The following UGT3A1 variants were observed in gnomAD, a reference collection of about 807,000 sequenced individuals.
The protein encoded by UGT3A1 is UDP glycosyltransferase family 3 member A1, also known as UDP-glycosyltransferase 3A1.
In UGT3A1, 40 loss-of-function variants were observed where a neutral mutation model predicts 37.6. The observed-to-expected ratio is 1.06, with a 90% CI of 0.83 to 1.38. The LOEUF is 1.38. UGT3A1 is among the 40% of genes most tolerant of loss of function. The probability of loss-of-function intolerance (pLI) is 0.00; values close to 1 mark genes in which losing one functional copy is unlikely to be tolerated. For missense variants in UGT3A1, 642 were observed against 634.2 expected, an observed-to-expected ratio of 1.01 and a Z score of -0.13; for synonymous variants, 256 against 232.3, an observed-to-expected ratio of 1.10 and a Z score of -0.93.
At chr5:35,976,045 A>G (rs1233275783) in intron 2 of UGT3A1, among the ~76,000 whole-genome samples, 1 of 152,162 alleles carries the variant, frequency 6.6e-6, no homozygotes, top group African/African-American at 2.4e-5. Context: ...CTAGTGATCC[A>G]CTATCAATAT....
intron 2 of UGT3A1, among the ~76,000 whole-genome samples, chr5:35,971,665 C>T (rs1740044074): frequency 6.6e-6 from 1 of 152,158 alleles, no homozygotes; most frequent in Admixed American, 6.5e-5. Flanking sequence ...TCTGACTGCT[C>T]CCACCAACTC....
chr5:35,961,928 A>G (rs899231694), intron 4 of UGT3A1: 1 of 152,206 alleles, frequency 6.6e-6, no homozygotes, highest in Non-Finnish European at 1.5e-5. Context: ...TCTATCATAG[A>G]TAGCTTGCTA....
chr5:35,977,039 AG>A, intron 2 of UGT3A1, among the ~76,000 whole-genome samples: 13 of 151,060 alleles, frequency 8.6e-5, no homozygotes, highest in African/African-American at 3.2e-4. Flanking sequence ...AAAGAAAGAG[AG>A]AAAGGGAGAA....
intron 3 of UGT3A1, 134 bp from the exon 4 acceptor site, chr5:35,966,051 T>A: frequency 1.5e-6 from 1 of 676,942 alleles, no homozygotes; most frequent in South Asian, 2.9e-5. Context: ...TTCTACAATG[T>A]TTCAACAAAT....
At chr5:35,962,607 A>AGC (rs1739631370) in intron 4 of UGT3A1, 2 of 384,978 alleles carry the variant, frequency 5.2e-6, no homozygotes, top group Admixed American at 8.2e-5. Context: ...ACTGTCAGCA[A>AGC]AGATCTAGAT....
intron 2 of UGT3A1, among the ~76,000 whole-genome samples, chr5:35,996,556 A>G (rs1741100752): frequency 6.6e-6 from 1 of 152,210 alleles, no homozygotes; most frequent in African/African-American, 2.4e-5. Flanking sequence ...AGTAGGTCCC[A>G]TATATTTCTA....
chr5:35,961,929 T>C (rs1739602894), intron 4 of UGT3A1: 1 of 152,214 alleles, frequency 6.6e-6, no homozygotes, highest in Admixed American at 6.5e-5. Flanking sequence ...CTATCATAGA[T>C]AGCTTGCTAT....
intron 4 of UGT3A1, chr5:35,962,856 T>A (rs1194712603): frequency 1.4e-6 from 1 of 702,258 alleles, no homozygotes; most frequent in African/African-American, 1.7e-5. Context: ...GAGGTGTTTT[T>A]CCTCCAGATT....
chr5:35,994,124 T>C (rs1462242045), upstream of UGT3A1, among the ~76,000 whole-genome samples: 1 of 152,142 alleles, frequency 6.6e-6, no homozygotes, highest in East Asian at 1.9e-4. Flanking sequence ...GAAAGCAGAC[T>C]TCAGCTTGGA....
chr5:35,971,950 G>A (rs1740058759), intron 2 of UGT3A1, among the ~76,000 whole-genome samples: 1 of 152,100 alleles, frequency 6.6e-6, no homozygotes, highest in African/African-American at 2.4e-5. Flanking sequence ...GTAAGTGTGA[G>A]GTTTCCTGCT....
intron 2 of UGT3A1, among the ~76,000 whole-genome samples, chr5:35,971,533 GA>G (rs1459517238): frequency 6.6e-6 from 1 of 151,508 alleles, no homozygotes; most frequent in East Asian, 1.9e-4. Context: ...TACAGAAAAA[GA>G]AGAAATATTT....
intron 4 of UGT3A1, among the ~76,000 whole-genome samples, chr5:35,963,375 T>C (rs1035987282): frequency 2.6e-5 from 4 of 152,074 alleles, no homozygotes; most frequent in African/African-American, 9.7e-5. Flanking sequence ...GGAATTGAGT[T>C]TGGGACAAAA....
At chr5:35,978,733 A>G (rs1317856414) in intron 2 of UGT3A1, among the ~76,000 whole-genome samples, 1 of 151,970 alleles carries the variant, frequency 6.6e-6, no homozygotes, top group African/African-American at 2.4e-5. Context: ...CAAAACAATC[A>G]TGCCTTCCCA....
rs1740940624 is a variant in UGT3A1 at position 35,991,241 on chromosome 5, G to A, written c.-1C>T. 1 of 1,614,206 alleles carries A rather than the reference G, an allele frequency of 6.2e-7. No homozygotes were observed. The highest frequency in any genetic ancestry group is 2.2e-5 in the East Asian group (1 of 44,872). On this transcript the variant is annotated 5_prime_UTR_variant, in exon 1 of 7. Coordinates refer to ENST00000274278, the MANE Select transcript of UGT3A1 (RefSeq NM_152404.4). ...GAAGCAGCACCCGCTGCCCAACCATGCTCACTTCCACAGAAGCAGCGGATC... is the reference window on the plus strand; with the variant it reads ...GAAGCAGCACCCGCTGCCCAACCATACTCACTTCCACAGAAGCAGCGGATC...
intron 2 of UGT3A1, among the ~76,000 whole-genome samples, chr5:35,985,013 C>T (rs1268884360): frequency 2.8e-5 from 4 of 143,132 alleles, no homozygotes; most frequent in African/African-American, 1.0e-4. Flanking sequence ...TAGAGACAAA[C>T]TTTTAGACTG....
At chr5:35,971,187 T>C (rs1445182272) in intron 2 of UGT3A1, among the ~76,000 whole-genome samples, 2 of 152,012 alleles carry the variant, frequency 1.3e-5, no homozygotes, top group Non-Finnish European at 2.9e-5. Context: ...AATGAGGATG[T>C]CCTCCTTGGA....
At chr5:35,982,195 A>T (rs561205932) in intron 2 of UGT3A1, among the ~76,000 whole-genome samples, 1 of 152,350 alleles carries the variant, frequency 6.6e-6, no homozygotes, top group Admixed American at 6.5e-5. Flanking sequence ...TGCAGAGGAG[A>T]AATGTGGGGC....
chr5:35,958,121 T>C (rs370806342), intron 4 of UGT3A1, among the ~76,000 whole-genome samples: 1 of 152,202 alleles, frequency 6.6e-6, no homozygotes, highest in South Asian at 2.1e-4. Flanking sequence ...TTTTAAATGA[T>C]ACTTATAATA....
At chr5:35,982,446 G>C (rs1384233441) in intron 2 of UGT3A1, among the ~76,000 whole-genome samples, 3 of 152,242 alleles carry the variant, frequency 2.0e-5, no homozygotes, top group Non-Finnish European at 4.4e-5. Flanking sequence ...AATTATTTTG[G>C]CGCTTTAAGA....
Sources: gnomAD v4.1 joint callset for allele counts (sites outside exome capture counted in the v4.1 genomes callset) on GRCh38, gnomAD v4.1.1 for gene constraint, MANE v1.5 for transcripts, NCBI Gene and HGNC (gene_info 2026-07-23, HGNC 2026-07-21) for gene names.